XYLT2: variants seen among roughly 807,000 people sequenced by gnomAD.
The protein encoded by XYLT2 is xylosyltransferase 2.
A neutral mutation model predicts 82.6 loss-of-function variants in XYLT2; 37 were observed. The observed-to-expected ratio is 0.45, with a 90% CI of 0.34 to 0.59. XYLT2 has a LOEUF of 0.59. Among genes scored for constraint, XYLT2 ranks in the 20% least tolerant of loss-of-function variants. The pLI, the probability that XYLT2 is intolerant of heterozygous loss-of-function variation, is 0.01. For missense variants in XYLT2, 934 were observed against 1,181.3 expected (o/e 0.79, Z 3.07); for synonymous variants, 474 against 499.0 (o/e 0.95, Z 0.67).
chr17:50,348,687 G>C (rs751038077), intron 1 of XYLT2, among the ~76,000 whole-genome samples: 3 of 152,198 alleles, frequency 2.0e-5, no homozygotes, highest in Non-Finnish European at 4.4e-5. Context: ...GTGGGGTATG[G>C]GGGGAGCATT....
chr17:50,354,835 A>G lies in XYLT2; in HGVS notation c.805-19A>G. ...TGGCGATAACACTGGAGGCTAGCTG[A>G]GTGTCTCCTCCCCACCAGCGTTCCG... is the stretch of plus-strand genomic sequence containing the variant. On this transcript the variant is annotated intron_variant, in intron 3 of 10. Coordinates refer to ENST00000017003, the MANE Select transcript of XYLT2 (RefSeq NM_022167.4). 1 of 1,612,048 alleles carries G rather than the reference A, an allele frequency of 6.2e-7. No homozygotes were observed. The highest frequency in any genetic ancestry group is 2.2e-5 in the East Asian group (1 of 44,866).
chr17:50,350,994 C>G (rs1329405815), intron 1 of XYLT2, among the ~76,000 whole-genome samples: 1 of 152,046 alleles, frequency 6.6e-6, no homozygotes, highest in Non-Finnish European at 1.5e-5. Flanking sequence ...ATGACAAATT[C>G]CCAGATGAGG....
chr17:50,346,218 G>T lies in XYLT2; in HGVS notation c.78G>T (p.Leu26=). Residue 26 remains leucine (L), a synonymous_variant, in exon 1 of 11, where the codon CTG becomes CTT. Coordinates refer to ENST00000017003, the MANE Select transcript of XYLT2 (RefSeq NM_022167.4). This position sits in a 1 kb window ranked among gnomAD's most constrained non-coding sequence, Gnocchi z 5.1. The part of the protein sequence containing the change: ...LAIATALAIL[L]LQGLVVWSFS... The stretch of plus-strand genomic sequence containing the variant: ...TTGCCACGGCGCTGGCCATCCTGCT[G>T]CTGCAGGGCCTGGTAGTGTGGAGCT... 1.6e-6 allele frequency: 2 copies of T among 1,284,236 alleles called. No individual in the cohort carries two copies. The highest frequency in any genetic ancestry group is 1.0e-6 in the Non-Finnish European group (1 of 988,680). 79.6% of individuals were successfully genotyped at this position (1,284,236 alleles called of 1,614,324 possible).
In XYLT2 at chr17:50,356,609, C is replaced by A. The variant is rs377456488; in HGVS notation, c.1581C>A (p.Pro527=). Residue 527 remains proline, a synonymous_variant, in exon 8 of 11, where the codon CCC becomes CCA. Transcript: ENST00000017003. ...ILDFHLYGSY[P]PGTPALKAYW... is the part of the protein sequence containing the mutation. ...ACTTCCACCTGTATGGCAGCTACCC[C>A]CCCGGCACGCCAGCCCTCAAGGCCT... The A allele has an allele frequency of 1.4e-4, 233 of 1,614,156 alleles. No individual in the cohort carries two copies. In the East Asian group the frequency reaches 4.0e-3, roughly 28 times the overall value.
rs1179146184 is a variant in XYLT2, at chr17:50,359,958, T to C, written c.2276-11T>C. ...CAGGGGGTGTGCTTACTGCCTGCTC[T>C]GCACCCACAGATGATGCCAGCTGGC... On this transcript the variant is annotated splice_polypyrimidine_tract_variant and intron_variant, in intron 10 of 10. Coordinates refer to ENST00000017003, the MANE Select transcript of XYLT2 (RefSeq NM_022167.4). The C allele has an allele frequency of 6.3e-7, 1 of 1,576,808 alleles. No individual in the cohort carries two copies. The highest frequency in any genetic ancestry group is 2.3e-5 in the East Asian group (1 of 43,478).
chr17:50,350,906 G>A (rs1006319393), intron 1 of XYLT2, among the ~76,000 whole-genome samples: 1 of 152,026 alleles, frequency 6.6e-6, no homozygotes, highest in Non-Finnish European at 1.5e-5. Flanking sequence ...GGGATAGTGG[G>A]TGCAAGGGTT....
chr17:50,354,493 G>C lies in XYLT2; in HGVS notation c.714G>C (p.Leu238=). Residue 238 remains leucine, a synonymous_variant, in exon 3 of 11, where the codon CTG becomes CTC. Coordinates refer to ENST00000017003, the MANE Select transcript of XYLT2 (RefSeq NM_022167.4). ...CCCCGGTGCGAATCGCCTACATGCT[G>C]GTGGTTCACGGCCGCGCCATCCGCC... ...DGPPVRIAYM[L]VVHGRAIRQL... is the part of the protein sequence containing the mutation. 2 of 1,613,234 alleles carry C rather than the reference G, an allele frequency of 1.2e-6. No homozygotes were observed. The highest frequency in any genetic ancestry group is 1.7e-6 in the Non-Finnish European group (2 of 1,179,944).
chr17:50,353,301 G>A (rs538340033), intron 1 of XYLT2, among the ~76,000 whole-genome samples: 82 of 152,248 alleles, frequency 5.4e-4, no homozygotes, highest in African/African-American at 1.9e-3. Flanking sequence ...TGGGACACAC[G>A]TAGATATTTA....
At chr17:50,352,181 G>C (rs1255077877) in intron 1 of XYLT2, among the ~76,000 whole-genome samples, 1 of 152,196 alleles carries the variant, frequency 6.6e-6, no homozygotes, top group Non-Finnish European at 1.5e-5. Context: ...GGCTGGAGAC[G>C]GCTCTCCCTA....
At position 50,353,992 on chromosome 17, in the gene XYLT2, C is replaced by T. The variant is rs753850601; in HGVS notation, c.498C>T (p.Gly166=). ...NGFTPKCEIV[G]KDALSALARA... ...TCACCCCCAAGTGCGAGATCGTGGG[C>T]AAGGACGCACTGTCTGCACTGGCCC... Residue 166 remains glycine (G), a synonymous_variant, in exon 2 of 11, where the codon GGC becomes GGT. Transcript: ENST00000017003. 6.2e-7 allele frequency: 1 copy of T among 1,606,724 alleles called. No homozygotes were observed.
rs551566280 is a variant in XYLT2 at position 50,352,723 on chromosome 17, G to A, written c.136-907G>A. The stretch of plus-strand genomic sequence containing the variant: ...GGCGCAGCAGCGGTAGAGGCGCCCC[G>A]CTGCAGGGATCCCTTCAAGGAAGAA... On this transcript the variant is annotated intron_variant, in intron 1 of 10. Coordinates refer to ENST00000017003, the MANE Select transcript of XYLT2 (RefSeq NM_022167.4). Among the ~76,000 whole-genome samples, 84 of 152,316 alleles carry A rather than the reference G, an allele frequency of 5.5e-4. 1 individual carries two copies. The highest frequency in any genetic ancestry group is 2.0e-3 in the African/African-American group (83 of 41,566).
At chr17:50,354,733 CGCTTAGGGGCTGGAGCCCTGCCCTGT>C in intron 3 of XYLT2, 95 bp from the exon 4 acceptor site, 1 of 1,533,132 alleles carries the variant, frequency 6.5e-7, no homozygotes, top group Non-Finnish European at 8.8e-7. Flanking sequence ...CCAGCTCAGC[CGCTTAGGGGCTGGAGCCCTGCCCTGT>C]GCTTTCCTCG....
At position 50,346,537 on chromosome 17, in the gene XYLT2, C is replaced by A. The variant is rs748145386; in HGVS notation, c.135+262C>A. Reference sequence around the variant, plus strand: ...AGTCGGGCGGGGGGAGCAGGTCATGCTAGGGTGGTCTCCGGCCAAGGGAGC... The same window carrying A: ...AGTCGGGCGGGGGGAGCAGGTCATGATAGGGTGGTCTCCGGCCAAGGGAGC... On this transcript the variant is annotated intron_variant, in intron 1 of 10. Transcript: ENST00000017003. The surrounding 1 kb of genome is among the most constrained non-coding windows in gnomAD (Gnocchi z 5.1). 5.4e-6 allele frequency: 5 copies of A among 926,670 alleles called. No individual in the cohort carries two copies. Among genetic ancestry groups the A allele is most frequent in the Non-Finnish European group, 5.2e-6 (4 of 776,254 alleles). 57.4% of individuals were successfully genotyped at this position (926,670 alleles called of 1,614,324 possible).
In XYLT2 at chr17:50,358,263, G is replaced by C; in HGVS notation, c.1998G>C (p.Leu666=). The C allele has an allele frequency of 2.5e-6, 4 of 1,612,612 alleles. No homozygotes were observed. Among genetic ancestry groups the C allele is most frequent in the Non-Finnish European group, 3.4e-6 (4 of 1,179,268 alleles). ...TTTTCCGGAACTTTGGGGGGTTACTGGGGCCGCTGGACGAGCCTGTGGCCG... is the reference window on the plus strand; with the variant it reads ...TTTTCCGGAACTTTGGGGGGTTACTCGGGCCGCTGGACGAGCCTGTGGCCG... ...ERLFRNFGGL[L]GPLDEPVAVQ... is the part of the protein sequence containing the mutation. The change falls in exon 10 of 11, where the codon CTG becomes CTC. Residue 666 remains leucine (L), a synonymous_variant. Transcript: ENST00000017003.
Position 50,361,113 on chromosome 17 carries a change from T to C in XYLT2, c.*822T>C, listed in dbSNP as rs552722392. 14 of 985,790 alleles carry C rather than the reference T, an allele frequency of 1.4e-5. No homozygotes were observed. The South Asian group carries it at 5.6e-4, about 40-fold the overall frequency. The allele number at this position is 985,790 out of a possible 1,614,324, so 61.1% of individuals were successfully genotyped here. A position where few individuals can be genotyped will look rare whatever the true frequency, so the allele number is the denominator to read the frequency against. ...TGTGCCTGAAGCTCAGCGTGAAGTCTGAAATATGCAACAGAAGAAATATAT... is the reference window on the plus strand; with the variant it reads ...TGTGCCTGAAGCTCAGCGTGAAGTCCGAAATATGCAACAGAAGAAATATAT... On this transcript the variant is annotated 3_prime_UTR_variant, in exon 11 of 11. Coordinates refer to ENST00000017003, the MANE Select transcript of XYLT2 (RefSeq NM_022167.4).
chr17:50,356,499 C>G lies in XYLT2; in HGVS notation c.1483-12C>G, dbSNP rs777570269. ...CCAGAGCCCTTCACCCTCCTTGCCT[C>G]TCCCACTCCAGCAAGTCTCCAGACC... is the stretch of plus-strand genomic sequence containing the variant. On this transcript the variant is annotated splice_polypyrimidine_tract_variant and intron_variant, in intron 7 of 10. Transcript: ENST00000017003. 1.1e-5 allele frequency: 17 copies of G among 1,613,132 alleles called. No homozygotes were observed. Among genetic ancestry groups the G allele is most frequent in the Non-Finnish European group, 1.4e-5 (17 of 1,179,574 alleles).
chr17:50,353,134 G>A (rs999858290), intron 1 of XYLT2, among the ~76,000 whole-genome samples: 11 of 152,072 alleles, frequency 7.2e-5, no homozygotes, highest in African/African-American at 2.2e-4. Context: ...CTCCTCCTTC[G>A]CTGTGAGGTG....
intron 1 of XYLT2, among the ~76,000 whole-genome samples, chr17:50,353,227 C>T (rs555814258): frequency 2.6e-5 from 4 of 152,294 alleles, no homozygotes; most frequent in East Asian, 1.9e-4. Context: ...TTCCAGCCCT[C>T]GGTGGGAGTG....
intron 1 of XYLT2, among the ~76,000 whole-genome samples, chr17:50,349,047 T>C (rs970472698): frequency 5.9e-5 from 9 of 152,112 alleles, no homozygotes; most frequent in African/African-American, 1.9e-4. Flanking sequence ...GGATTGTCCT[T>C]CTCAGGGTCA....
Sources: allele counts gnomAD v4.1 joint callset (sites outside exome capture counted in the v4.1 genomes callset), GRCh38; gene constraint gnomAD v4.1.1; non-coding constraint Gnocchi (gnomAD v3.1); transcripts MANE v1.5; gene names NCBI Gene and HGNC (gene_info 2026-07-23, HGNC 2026-07-21).